RNMT: variants seen among roughly 807,000 people sequenced by gnomAD.
The protein encoded by RNMT is mRNA cap guanine-N(7) methyltransferase.
A neutral mutation model predicts 56.0 loss-of-function variants in RNMT; 27 were observed. That is an observed-to-expected ratio of 0.48 (90% confidence interval 0.36 to 0.67). The LOEUF is 0.67. Ranked by LOEUF, RNMT falls within the 30% of genes least tolerant of loss-of-function variation. RNMT has a pLI of 0.00. For missense variants in RNMT, 519 were observed against 552.1 expected, an observed-to-expected ratio of 0.94 and a Z score of 0.60; for synonymous variants, 184 against 176.2, an observed-to-expected ratio of 1.04 and a Z score of -0.35.
chr18:13,756,688 G>A (rs982620526), intron 11 of RNMT, among the ~76,000 whole-genome samples: 8 of 152,246 alleles, frequency 5.3e-5, no homozygotes, highest in Admixed American at 2.6e-4. Flanking sequence ...GGTGACCAAA[G>A]TAGTATTTTG....
intron 8 of RNMT, 68 bp from the exon 9 acceptor site, chr18:13,746,152 G>C: frequency 1.2e-6 from 1 of 804,506 alleles, no homozygotes; most frequent in Non-Finnish European, 2.0e-6. Context: ...TGTCATTGCT[G>C]TACAAAAGTA....
rs1213795273 is a variant in RNMT at position 13,732,726 on chromosome 18, C to T, written c.417+792C>T. ...ATCAATGGAATGTGAATTCTTGTAA[C>T]AGAGGGGAGCCCCCCCTTTTTTTTT... On this transcript the variant is annotated intron_variant, in intron 3 of 11. Coordinates refer to ENST00000383314, the MANE Select transcript of RNMT (RefSeq NM_003799.3). Among the ~76,000 whole-genome samples, 5 of 140,198 alleles carry T rather than the reference C, an allele frequency of 3.6e-5. No homozygotes were observed. In the East Asian group the frequency reaches 8.7e-4, roughly 24 times the overall value. The allele number at this position is 140,198 out of a possible 152,430, so 92.0% of individuals were successfully genotyped here.
chr18:13,753,737 C>T (rs561297476), intron 10 of RNMT, among the ~76,000 whole-genome samples: 12 of 151,652 alleles, frequency 7.9e-5, no homozygotes, highest in African/African-American at 2.9e-4. Flanking sequence ...CGCCACTGCC[C>T]TCCAGTCTGG....
chr18:13,756,477 A>G (rs1442075031), intron 11 of RNMT, among the ~76,000 whole-genome samples: 1 of 151,914 alleles, frequency 6.6e-6, no homozygotes, highest in Non-Finnish European at 1.5e-5. Flanking sequence ...AGAGTGGGGG[A>G]CAGCATGAGT....
At position 13,760,162 on chromosome 18, in the gene RNMT, T is replaced by G; in HGVS notation, c.*183T>G. On this transcript the variant is annotated 3_prime_UTR_variant, in exon 12 of 12. Coordinates refer to ENST00000383314, the MANE Select transcript of RNMT (RefSeq NM_003799.3). ...TGTGACAGATGAACTTTTGCATGTGTATATAAGAATGAGTTGGGACCTCTG... is the reference window on the plus strand; with the variant it reads ...TGTGACAGATGAACTTTTGCATGTGGATATAAGAATGAGTTGGGACCTCTG... 1 of 1,324,176 alleles carries G rather than the reference T, an allele frequency of 7.6e-7. No individual in the cohort carries two copies. The allele number at this position is 1,324,176 out of a possible 1,614,324, so 82.0% of individuals were successfully genotyped here.
At chr18:13,754,395 T>C (rs536801981) in intron 11 of RNMT, among the ~76,000 whole-genome samples, 7 of 152,244 alleles carry the variant, frequency 4.6e-5, no homozygotes, top group African/African-American at 1.7e-4. Context: ...GTAGTCCAGC[T>C]ACTCAGGAGG....
At chr18:13,745,840 G>A (rs996226723) in intron 8 of RNMT, among the ~76,000 whole-genome samples, 3 of 152,140 alleles carry the variant, frequency 2.0e-5, no homozygotes, top group Admixed American at 2.0e-4. Flanking sequence ...CAGAGAAGTC[G>A]AGATGAAAGT....
chr18:13,732,549 A>G (rs1255007284), intron 3 of RNMT, among the ~76,000 whole-genome samples: 2 of 152,196 alleles, frequency 1.3e-5, no homozygotes, highest in African/African-American at 2.4e-5. Context: ...TAGCAAAGAT[A>G]TTATAGGGCA....
rs2044639871 is a variant in RNMT, at chr18:13,763,169, A to G, written c.*3190A>G. ...TGTTAGAACCTCCCTAGTTGCTGCT[A>G]TATCAAACACTGCACACTTGACAAG... On this transcript the variant is annotated 3_prime_UTR_variant, in exon 12 of 12. Coordinates refer to ENST00000383314, the MANE Select transcript of RNMT (RefSeq NM_003799.3). The G allele has an allele frequency of 2.2e-6, 1 of 455,894 alleles. No individual in the cohort carries two copies. The highest frequency in any genetic ancestry group is 1.5e-5 in the South Asian group (1 of 64,534). 28.2% of individuals were successfully genotyped at this position (455,894 alleles called of 1,614,324 possible).
At chr18:13,730,989 A>G (rs1161444116) in intron 2 of RNMT, among the ~76,000 whole-genome samples, 1 of 152,228 alleles carries the variant, frequency 6.6e-6, no homozygotes, top group African/African-American at 2.4e-5. Flanking sequence ...AGATTATAGA[A>G]TTTTGGGGGG....
rs1399069931 is a variant in RNMT at position 13,763,077 on chromosome 18, GAAGT to G, written c.*3099_*3102del. 6.6e-6 allele frequency: 3 copies of G among 456,020 alleles called. No individual in the cohort carries two copies. Among genetic ancestry groups the G allele is most frequent in the South Asian group, 3.1e-5 (2 of 64,558 alleles). 28.2% of individuals were successfully genotyped at this position (456,020 alleles called of 1,614,324 possible). A position where few individuals can be genotyped will look rare whatever the true frequency, so the allele number is the denominator to read the frequency against. On this transcript the variant is annotated 3_prime_UTR_variant, in exon 12 of 12. Transcript: ENST00000383314. ...ATCCAGGGACCAGGCCCTAATAATA[GAAGT>G]TGTACCAAAATGCCTGTGGTACTTG...
At chr18:13,734,307 C>G (rs1037540513) in intron 3 of RNMT, among the ~76,000 whole-genome samples, 157 bp from the exon 4 acceptor site, 1 of 152,174 alleles carries the variant, frequency 6.6e-6, no homozygotes, top group Non-Finnish European at 1.5e-5. Flanking sequence ...AATCTTAGGT[C>G]TAATGATAAT....
intron 1 of RNMT, among the ~76,000 whole-genome samples, chr18:13,727,513 G>A (rs2043980598): frequency 6.6e-6 from 1 of 152,190 alleles, no homozygotes; most frequent in African/African-American, 2.4e-5. Flanking sequence ...AGGTGCAGGT[G>A]ATACTTTGAT....
chr18:13,763,206 C>T lies in RNMT; in HGVS notation c.*3227C>T, dbSNP rs1011723317. 1 of 451,112 alleles carries T rather than the reference C, an allele frequency of 2.2e-6. No individual in the cohort carries two copies. The highest frequency in any genetic ancestry group is 4.5e-6 in the Non-Finnish European group (1 of 223,866). 27.9% of individuals were successfully genotyped at this position (451,112 alleles called of 1,614,324 possible). On this transcript the variant is annotated 3_prime_UTR_variant, in exon 12 of 12. Transcript: ENST00000383314. ...GCACACTTGACAAGTGTTTTCATTCCCCGCCCTCTGACAGAACAACATTCC... is the reference window on the plus strand; with the variant it reads ...GCACACTTGACAAGTGTTTTCATTCTCCGCCCTCTGACAGAACAACATTCC...
chr18:13,728,141 A>C (rs745358221), intron 1 of RNMT, among the ~76,000 whole-genome samples: 7 of 152,090 alleles, frequency 4.6e-5, no homozygotes, highest in Non-Finnish European at 1.0e-4. Flanking sequence ...CAGAATATAG[A>C]AGAAACTCAT....
chr18:13,763,820 C>T lies in RNMT; in HGVS notation c.*3841C>T, dbSNP rs2044647374. 6.6e-6 allele frequency: 1 copy of T among 152,344 alleles called. No individual in the cohort carries two copies. Among genetic ancestry groups the T allele is most frequent in the African/African-American group, 2.4e-5 (1 of 41,458 alleles). The allele number at this position is 152,344 out of a possible 1,614,324, so 9.4% of individuals were successfully genotyped here. On this transcript the variant is annotated 3_prime_UTR_variant, in exon 12 of 12. Coordinates refer to ENST00000383314, the MANE Select transcript of RNMT (RefSeq NM_003799.3). ...AGATGACTCCTCACCCATCCACCAC[C>T]TGCAGCTTGAGATGTTAACTATTAG...
In RNMT at chr18:13,731,643, G is replaced by C. The variant is rs1166044317; in HGVS notation, c.126G>C (p.Gly42=). Residue 42 remains glycine (G), a synonymous_variant, in exon 3 of 12, where the codon GGG becomes GGC. Transcript: ENST00000383314. Reference sequence around the variant, plus strand: ...AAAACACAACAGCTTCTGGGACTGGGCTTTCTGAAAAGACTTCTGTCTGTA... The same window carrying C: ...AAAACACAACAGCTTCTGGGACTGGCCTTTCTGAAAAGACTTCTGTCTGTA... ...INENTTASGT[G]LSEKTSVCRQ... The C allele has an allele frequency of 6.2e-7, 1 of 1,614,094 alleles. No homozygotes were observed. The highest frequency in any genetic ancestry group is 1.3e-5 in the African/African-American group (1 of 75,034).
At chr18:13,743,969 A>C (rs2044302839) in intron 8 of RNMT, among the ~76,000 whole-genome samples, 1 of 152,034 alleles carries the variant, frequency 6.6e-6, no homozygotes, top group Admixed American at 6.6e-5. Context: ...TAATTTTTAA[A>C]ACTAATAAAC....
chr18:13,742,407 A>C, intron 7 of RNMT, 81 bp from the exon 8 acceptor site: 1 of 1,311,798 alleles, frequency 7.6e-7, no homozygotes, highest in Non-Finnish European at 1.1e-6. Context: ...GTAGTTTTTC[A>C]CATGCATAAT....
Sources: gnomAD v4.1 joint callset for allele counts (sites outside exome capture counted in the v4.1 genomes callset) on GRCh38, gnomAD v4.1.1 for gene constraint, MANE v1.5 for transcripts, NCBI Gene and HGNC (gene_info 2026-07-23, HGNC 2026-07-21) for gene names.